Variants in PRKDC observed in about 807,000 individuals in gnomAD.
PRKDC encodes the protein protein kinase, DNA-activated, catalytic subunit, also known as DNA-dependent protein kinase catalytic subunit.
In PRKDC, 82 loss-of-function variants were observed where a neutral mutation model predicts 486.9. The ratio of observed to expected loss-of-function variants is 0.17; its 90% CI spans 0.14 to 0.20. The LOEUF (loss-of-function observed/expected upper bound fraction) is 0.20. PRKDC is among the 10% of genes least tolerant of loss of function. The pLI, the probability that PRKDC is intolerant of heterozygous loss-of-function variation, is 1.00. For missense variants in PRKDC, 4,504 were observed against 5,038.2 expected, an observed-to-expected ratio of 0.89 and a Z score of 3.21; for synonymous variants, 1,895 against 1,837.0, an observed-to-expected ratio of 1.03 and a Z score of -0.81.
intron 51 of PRKDC, among the ~76,000 whole-genome samples, 167 bp from the exon 52 acceptor site, chr8:47,852,951 C>T (rs1034750165): frequency 2.0e-5 from 3 of 152,182 alleles, no homozygotes; most frequent in Admixed American, 6.5e-5. Flanking sequence ...TCAGCATGTA[C>T]GTAAGGGTGC....
intron 69 of PRKDC, among the ~76,000 whole-genome samples, 191 bp from the exon 70 acceptor site, chr8:47,803,671 C>T (rs569757169): frequency 6.6e-6 from 1 of 152,184 alleles, no homozygotes; most frequent in Admixed American, 6.5e-5. Flanking sequence ...CAATTCAGGC[C>T]AGGTTTAGTG....
rs372246627 is a variant in PRKDC at position 47,901,009 on chromosome 8, T to C, written c.3270-542A>G. On this transcript the variant is annotated intron_variant, in intron 27 of 85. Transcript: ENST00000314191. ...CAAAAAATTAAAAAAAAAAAATTAG[T>C]TGGGTGCAGTGGTGCACACCTGTGG... 2.7e-4 allele frequency among the ~76,000 whole-genome samples: 41 copies of C among 150,914 alleles called. No individual in the cohort carries two copies. The East Asian group carries it at 6.3e-3, about 23-fold the overall frequency.
chr8:47,816,895 A>G (rs904125635), intron 68 of PRKDC, among the ~76,000 whole-genome samples: 11 of 151,836 alleles, frequency 7.2e-5, no homozygotes, highest in Non-Finnish European at 1.6e-4. Context: ...CTTAAGTCCT[A>G]TTTCCTACAC....
chr8:47,907,559 G>A (rs2089812678), intron 25 of PRKDC, among the ~76,000 whole-genome samples: 1 of 123,286 alleles, frequency 8.1e-6, no homozygotes, highest in Admixed American at 9.4e-5. Flanking sequence ...TTTTGAGACA[G>A]AGTCTTACTC....
In PRKDC at chr8:47,778,599, C is replaced by A. The variant is rs762000221; in HGVS notation, c.11713G>T (p.Ala3905Ser). The change falls in exon 83 of 86, where the codon GCC (alanine) becomes TCC (serine). Residue 3905 changes from alanine (A) to serine (S), a missense_variant. Coordinates refer to ENST00000314191, the MANE Select transcript of PRKDC (RefSeq NM_006904.7). ...EAFLALRSHF[A>S]SSHALICISH... ...ATGCATATCAGAGCGTGAGAGCTGGCGAAGTGGGAGCGGAGCGCCAGGAAA... is the reference window on the plus strand; with the variant it reads ...ATGCATATCAGAGCGTGAGAGCTGGAGAAGTGGGAGCGGAGCGCCAGGAAA... 3.7e-6 allele frequency: 6 copies of A among 1,613,660 alleles called. 1 individual carries two copies. In the Middle Eastern group the frequency reaches 9.9e-4, roughly 266 times the overall value.
At chr8:47,912,670 A>G (rs551051251) in intron 24 of PRKDC, 108 bp from the exon 25 acceptor site, 30 of 1,038,110 alleles carry the variant, frequency 2.9e-5, no homozygotes, top group Middle Eastern at 2.9e-4. Flanking sequence ...TTCATTGCAC[A>G]TAACTATCAT....
At chr8:47,893,773 T>G (rs919606579) in intron 30 of PRKDC, among the ~76,000 whole-genome samples, 1 of 152,232 alleles carries the variant, frequency 6.6e-6, no homozygotes, top group Admixed American at 6.5e-5. Context: ...TAGAATAACG[T>G]CTACCACACA....
At chr8:47,777,277 C>T (rs894891527) in intron 84 of PRKDC, among the ~76,000 whole-genome samples, 6 of 151,840 alleles carry the variant, frequency 4.0e-5, no homozygotes, top group Non-Finnish European at 5.9e-5. Flanking sequence ...GGCGTGATCT[C>T]GGCTCACTGC....
intron 35 of PRKDC, 88 bp from the exon 36 acceptor site, chr8:47,886,235 T>A: frequency 8.9e-7 from 1 of 1,120,170 alleles, no homozygotes; most frequent in Non-Finnish European, 1.2e-6. Context: ...ACTTTGAAAT[T>A]GGAAAATGAC....
chr8:47,855,434 A>T, intron 49 of PRKDC, 61 bp from the exon 50 acceptor site: 1 of 1,449,112 alleles, frequency 6.9e-7, no homozygotes, highest in Non-Finnish European at 9.2e-7. Flanking sequence ...AGCATTTTTT[A>T]ACTCAAGTTC....
intron 80 of PRKDC, among the ~76,000 whole-genome samples, chr8:47,780,997 T>C (rs1432041294): frequency 6.6e-6 from 1 of 152,120 alleles, no homozygotes; most frequent in Non-Finnish European, 1.5e-5. Context: ...ATTTAAATAA[T>C]GGGTATTGGA....
At chr8:47,860,804 A>G (rs1589749193) in intron 45 of PRKDC, 95 bp downstream of exon 45, 1 of 933,634 alleles carries the variant, frequency 1.1e-6, no homozygotes, top group East Asian at 2.8e-5. Context: ...CTATTTACAT[A>G]AAAAATACTT....
chr8:47,935,930 TA>T (rs1563812170), intron 12 of PRKDC, 30 bp from the exon 13 acceptor site: 2 of 1,584,216 alleles, frequency 1.3e-6, no homozygotes, highest in South Asian at 2.3e-5. Context: ...AACCGTGAGT[TA>T]GAGGAGGTAA....
rs1427408581 is a variant in PRKDC at position 47,898,511 on chromosome 8, C to T, written c.3423G>A (p.Lys1141=). The change falls in exon 29 of 86, where the codon AAG becomes AAA. Residue 1141 remains lysine, a synonymous_variant. Transcript: ENST00000314191. The part of the protein sequence containing the change: ...IDHLCRIIEK[K]HVSLNKAKKR... ...TCTTTGCTTTATTTAAAGAAACATG[C>T]TTCTTTTCAATGATGCGGCATAGGT... The T allele has an allele frequency of 4.5e-6, 7 of 1,565,016 alleles. No individual in the cohort carries two copies. The highest frequency in any genetic ancestry group is 6.1e-6 in the Non-Finnish European group (7 of 1,149,222).
rs1343556995 is a variant in PRKDC, at chr8:47,960,069, A to C, written c.58T>G (p.Ser20Ala). The C allele has an allele frequency of 1.3e-6, 2 of 1,531,274 alleles. No individual in the cohort carries two copies. The highest frequency in any genetic ancestry group is 2.4e-5 in the South Asian group (2 of 83,836). The allele number at this position is 1,531,274 out of a possible 1,614,324, so 94.9% of individuals were successfully genotyped here. A position where few individuals can be genotyped will look rare whatever the true frequency, so the allele number is the denominator to read the frequency against. Reference sequence around the variant, plus strand: ...GCAGCACCGCAGCGGTCCGCAGCGGACAAGGTCTCCTGCAGCCGCAGCAGG... The same window carrying C: ...GCAGCACCGCAGCGGTCCGCAGCGGCCAAGGTCTCCTGCAGCCGCAGCAGG... The part of the protein sequence containing the change: ...CSLLRLQETL[S>A]AADRCGAALA... The change falls in exon 1 of 86, where the codon TCC (serine) becomes GCC (alanine). Residue 20 changes from serine to alanine, a missense_variant. Physicochemically the swap from Ser to Ala is moderately conservative, Grantham distance 99. Coordinates refer to ENST00000314191, the MANE Select transcript of PRKDC (RefSeq NM_006904.7).
At chr8:47,824,188 C>G (rs887708481) in intron 63 of PRKDC, among the ~76,000 whole-genome samples, 192 bp from the exon 64 acceptor site, 1 of 152,102 alleles carries the variant, frequency 6.6e-6, no homozygotes, top group African/African-American at 2.4e-5. Flanking sequence ...TAACTTTAAT[C>G]ATACATAAGC....
At position 47,934,938 on chromosome 8, in the gene PRKDC, A is replaced by T. The variant is rs1265748321; in HGVS notation, c.1497+71T>A. The T allele has an allele frequency of 1.1e-5, 14 of 1,269,514 alleles. No individual in the cohort carries two copies. In the Admixed American group the frequency reaches 3.0e-4, roughly 27 times the overall value. The allele number at this position is 1,269,514 out of a possible 1,614,324, so 78.6% of individuals were successfully genotyped here. On this transcript the variant is annotated intron_variant, in intron 14 of 85. Coordinates refer to ENST00000314191, the MANE Select transcript of PRKDC (RefSeq NM_006904.7). ...GGCCACTTTTGCAAAATTATATTCGAAAACCTCAGCAACATTCCTAGCTTT... is the reference window on the plus strand; with the variant it reads ...GGCCACTTTTGCAAAATTATATTCGTAAACCTCAGCAACATTCCTAGCTTT...
At chr8:47,793,471 C>T (rs552768387) in intron 74 of PRKDC, among the ~76,000 whole-genome samples, 7 of 151,430 alleles carry the variant, frequency 4.6e-5, no homozygotes, top group South Asian at 4.2e-4. Context: ...AAAACCCTGT[C>T]GCTACTAAAA....
intron 40 of PRKDC, among the ~76,000 whole-genome samples, chr8:47,874,929 C>A (rs1279656773): frequency 2.6e-5 from 4 of 152,122 alleles, no homozygotes; most frequent in South Asian, 2.1e-4. Context: ...GTGGTACATG[C>A]CTGTAGTCCC....
Sources: allele counts gnomAD v4.1 joint callset (sites outside exome capture counted in the v4.1 genomes callset), GRCh38; gene constraint gnomAD v4.1.1; transcripts MANE v1.5; gene names NCBI Gene and HGNC (gene_info 2026-07-23, HGNC 2026-07-21).